PTH1R: variants seen among roughly 807,000 people sequenced by gnomAD.
The protein encoded by PTH1R is parathyroid hormone 1 receptor, also known as parathyroid hormone/parathyroid hormone-related peptide receptor.
A neutral mutation model predicts 70.7 loss-of-function variants in PTH1R; 32 were observed. The observed-to-expected ratio is 0.45, with a 90% confidence interval of 0.34 to 0.61. The LOEUF is 0.61. Among genes scored for constraint, PTH1R ranks in the 20% least tolerant of loss-of-function variants. The pLI is 0.01. For synonymous variants in PTH1R, 329 were observed against 324.8 expected (o/e 1.01, Z -0.14); for missense variants, 626 against 792.5 (o/e 0.79, Z 2.52).
Position 46,903,755 on chromosome 3 carries a change from G to T in PTH1R, c.*99G>T. ...TCCCACTCAGGGCTGGGGCCAAGAGGAAAAACAGGGAAAAAAAGAAAAAAA... is the reference window on the plus strand; with the variant it reads ...TCCCACTCAGGGCTGGGGCCAAGAGTAAAAACAGGGAAAAAAAGAAAAAAA... On this transcript the variant is annotated 3_prime_UTR_variant, in exon 16 of 16. Transcript: ENST00000449590. This position sits in a 1 kb window ranked among gnomAD's most constrained non-coding sequence, Gnocchi z 4.4. The T allele has an allele frequency of 6.6e-7, 1 of 1,510,554 alleles. No individual in the cohort carries two copies. The highest frequency in any genetic ancestry group is 8.9e-7 in the Non-Finnish European group (1 of 1,125,640). 93.6% of individuals were successfully genotyped at this position (1,510,554 alleles called of 1,614,324 possible).
chr3:46,896,975 A>G lies in PTH1R; in HGVS notation c.314-880A>G, dbSNP rs1335709594. 6.6e-6 allele frequency among the ~76,000 whole-genome samples: 1 copy of G among 152,198 alleles called. No homozygotes were observed. The highest frequency in any genetic ancestry group is 1.5e-5 in the Non-Finnish European group (1 of 68,028). ...CAATGTGGTTAATCCCAACTTCCCA[A>G]TGAGGAAATGGAAATAGAAAGACTT... On this transcript the variant is annotated intron_variant, in intron 5 of 15. Coordinates refer to ENST00000449590, the MANE Select transcript of PTH1R (RefSeq NM_000316.3). The surrounding 1 kb of genome is among the most constrained non-coding windows in gnomAD (Gnocchi z 4.1).
rs2031941579 is a variant in PTH1R at position 46,898,927 on chromosome 3, C to G, written c.834+70C>G. 3 of 1,125,866 alleles carry G rather than the reference C, an allele frequency of 2.7e-6. No individual in the cohort carries two copies. In the South Asian group the frequency reaches 5.4e-5, roughly 20 times the overall value. The allele number at this position is 1,125,866 out of a possible 1,614,324, so 69.7% of individuals were successfully genotyped here. On this transcript the variant is annotated intron_variant, in intron 9 of 15. Coordinates refer to ENST00000449590, the MANE Select transcript of PTH1R (RefSeq NM_000316.3). ...TCGTGGGGCCCCGCCCCGCCCCGCTCCAGCCCGGCCCTCGCCCTGCCCGCC... is the reference window on the plus strand; with the variant it reads ...TCGTGGGGCCCCGCCCCGCCCCGCTGCAGCCCGGCCCTCGCCCTGCCCGCC...
intron 4 of PTH1R, among the ~76,000 whole-genome samples, chr3:46,894,508 C>G (rs2031621685): frequency 6.6e-6 from 1 of 152,196 alleles, no homozygotes; most frequent in African/African-American, 2.4e-5. Flanking sequence ...GGCTCCCAGT[C>G]ACATCGAGAT....
chr3:46,884,513 G>A lies in PTH1R; in HGVS notation c.75+879G>A, dbSNP rs2030890830. Among the ~76,000 whole-genome samples the A allele has an allele frequency of 6.6e-6, 1 of 152,234 alleles. No individual in the cohort carries two copies. The highest frequency in any genetic ancestry group is 2.4e-5 in the African/African-American group (1 of 41,460). Reference sequence around the variant, plus strand: ...CCAGGGTCTGGGGCCCACTTGCTGGGAAGGGGGCTGTCCCAGCCCCTCAGT... The same window carrying A: ...CCAGGGTCTGGGGCCCACTTGCTGGAAAGGGGGCTGTCCCAGCCCCTCAGT... On this transcript the variant is annotated intron_variant, in intron 3 of 15. Coordinates refer to ENST00000449590, the MANE Select transcript of PTH1R (RefSeq NM_000316.3). The surrounding 1 kb of genome is among the most constrained non-coding windows in gnomAD (Gnocchi z 4.8).
chr3:46,901,546 GCC>G lies in PTH1R; in HGVS notation c.1116+69_1116+70del. ...TGTGCGCCTGCGTCCCCTGGAACCA[GCC>G]CCTGACAGGGACCTAGGAGGCTTCC... On this transcript the variant is annotated intron_variant, in intron 12 of 15. Coordinates refer to ENST00000449590, the MANE Select transcript of PTH1R (RefSeq NM_000316.3). The surrounding 1 kb of genome is among the most constrained non-coding windows in gnomAD (Gnocchi z 7.3). 2 of 1,532,844 alleles carry G rather than the reference GCC, an allele frequency of 1.3e-6. No individual in the cohort carries two copies. Among genetic ancestry groups the G allele is most frequent in the Admixed American group, 3.9e-5 (2 of 50,946 alleles). The allele number at this position is 1,532,844 out of a possible 1,614,324, so 95.0% of individuals were successfully genotyped here.
intron 3 of PTH1R, among the ~76,000 whole-genome samples, chr3:46,888,107 C>T (rs1006417037): frequency 1.3e-5 from 2 of 152,224 alleles, no homozygotes; most frequent in African/African-American, 4.8e-5. Flanking sequence ...CCCACACCCA[C>T]TGTCTCATAG....
At position 46,893,884 on chromosome 3, in the gene PTH1R, T is replaced by TG. The variant is rs754188556; in HGVS notation, c.76-21dup. ...CTGCTGCGCCGGAAAGTCCTGCCTG[T>TG]GGTCTGACCTTCGGCTTGGCAGGTG... is the stretch of plus-strand genomic sequence containing the variant. On this transcript the variant is annotated intron_variant, in intron 3 of 15. Coordinates refer to ENST00000449590, the MANE Select transcript of PTH1R (RefSeq NM_000316.3). The surrounding 1 kb of genome is among the most constrained non-coding windows in gnomAD (Gnocchi z 5.2). 52 of 1,611,442 alleles carry TG rather than the reference T, an allele frequency of 3.2e-5. No homozygotes were observed. The highest frequency in any genetic ancestry group is 4.3e-5 in the Non-Finnish European group (51 of 1,178,112).
At chr3:46,888,463 A>G (rs898612001) in intron 3 of PTH1R, among the ~76,000 whole-genome samples, 8 of 151,972 alleles carry the variant, frequency 5.3e-5, no homozygotes, top group Non-Finnish European at 1.0e-4. Context: ...TTCTGGGGAC[A>G]CTCCCTGGTC....
In PTH1R at chr3:46,892,929, G is replaced by C; in HGVS notation, c.76-978G>C. On this transcript the variant is annotated intron_variant, in intron 3 of 15. Coordinates refer to ENST00000449590, the MANE Select transcript of PTH1R (RefSeq NM_000316.3). The surrounding 1 kb of genome is among the most constrained non-coding windows in gnomAD (Gnocchi z 5.2). ...GGGCTTCACAGCCCCGCCCTGGGGAGGTTTCAGAGACCGCCTTAACCTCTG... is the reference window on the plus strand; with the variant it reads ...GGGCTTCACAGCCCCGCCCTGGGGACGTTTCAGAGACCGCCTTAACCTCTG... 3 of 517,940 alleles carry C rather than the reference G, an allele frequency of 5.8e-6. No homozygotes were observed. The highest frequency in any genetic ancestry group is 5.0e-6 in the Non-Finnish European group (2 of 401,650). 32.1% of individuals were successfully genotyped at this position (517,940 alleles called of 1,614,324 possible).
rs1392910711 is a variant in PTH1R at position 46,879,307 on chromosome 3, G to C, written c.-106+1464G>C. Among the ~76,000 whole-genome samples, 3 of 152,196 alleles carry C rather than the reference G, an allele frequency of 2.0e-5. No homozygotes were observed. The highest frequency in any genetic ancestry group is 7.2e-5 in the African/African-American group (3 of 41,452). On this transcript the variant is annotated intron_variant, in intron 1 of 15. Coordinates refer to ENST00000449590, the MANE Select transcript of PTH1R (RefSeq NM_000316.3). This position sits in a 1 kb window ranked among gnomAD's most constrained non-coding sequence, Gnocchi z 4.7. Reference sequence around the variant, plus strand: ...TCAAGTTTTCCCTGGTGTCAGATCTGAAAAGAACTCCTCCCCTCAGCCTCT... The same window carrying C: ...TCAAGTTTTCCCTGGTGTCAGATCTCAAAAGAACTCCTCCCCTCAGCCTCT...
chr3:46,883,186 C>G lies in PTH1R; in HGVS notation c.-48-326C>G, dbSNP rs1214910849. The stretch of plus-strand genomic sequence containing the variant: ...AAAGAAAGAAAGAAAGAAAAGGCGG[C>G]GCGGGAGGGGGGCGGGGGGCGGGCC... On this transcript the variant is annotated intron_variant, in intron 2 of 15. Coordinates refer to ENST00000449590, the MANE Select transcript of PTH1R (RefSeq NM_000316.3). This position sits in a 1 kb window ranked among gnomAD's most constrained non-coding sequence, Gnocchi z 6.4. Among the ~76,000 whole-genome samples the G allele has an allele frequency of 6.7e-6, 1 of 149,106 alleles. No homozygotes were observed. Among genetic ancestry groups the G allele is most frequent in the Non-Finnish European group, 1.5e-5 (1 of 66,994 alleles).
Position 46,894,134 on chromosome 3 carries a change from C to A in PTH1R, c.178+125C>A, listed in dbSNP as rs2031597379. ...GGGGGCGGACTTAGGTAAAGGGGGC[C>A]AGGCCAAAGTGAGAACCAAAGTGGG... On this transcript the variant is annotated intron_variant, in intron 4 of 15. Coordinates refer to ENST00000449590, the MANE Select transcript of PTH1R (RefSeq NM_000316.3). 3.0e-6 allele frequency: 3 copies of A among 985,388 alleles called. No homozygotes were observed. In the Admixed American group the frequency reaches 6.7e-5, roughly 22 times the overall value. 61.0% of individuals were successfully genotyped at this position (985,388 alleles called of 1,614,324 possible).
chr3:46,878,366 G>A (rs1029569688), intron 1 of PTH1R, among the ~76,000 whole-genome samples: 1 of 152,066 alleles, frequency 6.6e-6, no homozygotes, highest in African/African-American at 2.4e-5. Context: ...GCCGAGAGAG[G>A]TCTGGGGTTG....
chr3:46,899,561 C>A (rs1045630573), intron 10 of PTH1R, 105 bp downstream of exon 10: 25 of 1,416,072 alleles, frequency 1.8e-5, no homozygotes, highest in Non-Finnish European at 2.2e-5. Flanking sequence ...CATCCCGCCC[C>A]AAGTGGAACA....
intron 10 of PTH1R, 92 bp from the exon 11 acceptor site, chr3:46,900,933 T>G (rs2032076921): frequency 7.2e-7 from 1 of 1,385,364 alleles, no homozygotes; most frequent in South Asian, 1.2e-5. Context: ...AGGGCAATGG[T>G]GGGGTAAGCT....
chr3:46,883,824 GCCTC>G lies in PTH1R; in HGVS notation c.75+194_75+197del, dbSNP rs1170130782. On this transcript the variant is annotated intron_variant, in intron 3 of 15. Transcript: ENST00000449590. The surrounding 1 kb of genome is among the most constrained non-coding windows in gnomAD (Gnocchi z 6.4). Reference sequence around the variant, plus strand: ...GGACTGTGGGTTCCAGCTGCCTGAAGCCTCCCTATTTCTGAAGCCTCGTTTGGGG... The same window carrying G: ...GGACTGTGGGTTCCAGCTGCCTGAAGCCTATTTCTGAAGCCTCGTTTGGGG... Among the ~76,000 whole-genome samples, 1 of 152,208 alleles carries G rather than the reference GCCTC, an allele frequency of 6.6e-6. No individual in the cohort carries two copies. Among genetic ancestry groups the G allele is most frequent in the Admixed American group, 6.5e-5 (1 of 15,286 alleles).
At chr3:46,894,514 G>A (rs1366474135) in intron 4 of PTH1R, among the ~76,000 whole-genome samples, 7 of 152,086 alleles carry the variant, frequency 4.6e-5, no homozygotes, top group South Asian at 2.1e-4. Flanking sequence ...CAGTCACATC[G>A]AGATCTGGGG....
Position 46,903,131 on chromosome 3 carries a change from A to T in PTH1R, c.1396-139A>T. The T allele has an allele frequency of 6.8e-7, 1 of 1,470,326 alleles. No homozygotes were observed. The highest frequency in any genetic ancestry group is 9.2e-7 in the Non-Finnish European group (1 of 1,081,654). 91.1% of individuals were successfully genotyped at this position (1,470,326 alleles called of 1,614,324 possible). ...TGTAGCCAAACACCCTGTTGTGAGG[A>T]TGGGATTTCACTTGGCCTTGGAGTT... On this transcript the variant is annotated intron_variant, in intron 15 of 15. Coordinates refer to ENST00000449590, the MANE Select transcript of PTH1R (RefSeq NM_000316.3). This position sits in a 1 kb window ranked among gnomAD's most constrained non-coding sequence, Gnocchi z 4.4.
rs2030316871 is a variant in PTH1R at position 46,877,795 on chromosome 3, A to C, written c.-154A>C. ...CCATGGCCTCCCCGTGGCCAACTTG[A>C]GTCTGCTCTGCAGCTTTAGGCCCGA... On this transcript the variant is annotated 5_prime_UTR_variant, in exon 1 of 16. An upstream open reading frame in the 5' UTR loses its in-frame stop. Transcript: ENST00000449590. The C allele has an allele frequency of 6.6e-6, 1 of 152,266 alleles. No individual in the cohort carries two copies. Among genetic ancestry groups the C allele is most frequent in the Admixed American group, 6.5e-5 (1 of 15,288 alleles). 9.4% of individuals were successfully genotyped at this position (152,266 alleles called of 1,614,324 possible). A position where few individuals can be genotyped will look rare whatever the true frequency, so the allele number is the denominator to read the frequency against.
Sources: allele counts gnomAD v4.1 joint callset (sites outside exome capture counted in the v4.1 genomes callset), GRCh38; gene constraint gnomAD v4.1.1; non-coding constraint Gnocchi (gnomAD v3.1); transcripts MANE v1.5; gene names NCBI Gene and HGNC (gene_info 2026-07-23, HGNC 2026-07-21).